FSTL5: variants seen among roughly 807,000 people sequenced by gnomAD.
FSTL5 encodes follistatin-related protein 5.
In FSTL5, 62 loss-of-function variants were observed where a neutral mutation model predicts 89.1. The observed-to-expected ratio is 0.70, with a 90% CI of 0.57 to 0.86. FSTL5 has a LOEUF of 0.86. Among genes scored for constraint, FSTL5 ranks in the 40% least tolerant of loss-of-function variants. The pLI, the probability that FSTL5 is intolerant of heterozygous loss-of-function variation, is 0.00. For synonymous variants in FSTL5, 383 were observed against 346.2 expected (o/e 1.11, Z -1.18); for missense variants, 1,057 against 1,001.6 (o/e 1.06, Z -0.75).
At chr4:162,147,012 C>T (rs75686260) in intron 1 of FSTL5, among the ~76,000 whole-genome samples, 35,181 of 151,702 alleles carry the variant, frequency 0.23, 4,229 homozygotes, top group Non-Finnish European at 0.25. Context: ...GAACTCCTGA[C>T]CTCAAGTGAT....
intron 3 of FSTL5, among the ~76,000 whole-genome samples, chr4:161,998,811 T>C (rs10029314): frequency 0.099 from 15,030 of 151,912 alleles, 869 homozygotes; most frequent in East Asian, 0.23. Flanking sequence ...GATTTGATCA[T>C]CTATTTGCCT....
At chr4:161,610,150 T>C (rs1734585690) in intron 7 of FSTL5, among the ~76,000 whole-genome samples, 1 of 152,118 alleles carries the variant, frequency 6.6e-6, no homozygotes, top group Non-Finnish European at 1.5e-5. Context: ...TTGAAACTCT[T>C]CTTGCTAGTA....
At chr4:162,098,289 A>C (rs1234956955) in intron 2 of FSTL5, among the ~76,000 whole-genome samples, 1 of 152,038 alleles carries the variant, frequency 6.6e-6, no homozygotes, top group Non-Finnish European at 1.5e-5. Flanking sequence ...GTTAAAAAAA[A>C]TCAGAACATT....
chr4:161,718,818 T>C (rs546632079), intron 6 of FSTL5, among the ~76,000 whole-genome samples: 33 of 152,278 alleles, frequency 2.2e-4, no homozygotes, highest in Admixed American at 5.9e-4. Flanking sequence ...AACATGGTAA[T>C]GCATTAACAC....
At chr4:161,469,314 C>T (rs28439817) in intron 13 of FSTL5, among the ~76,000 whole-genome samples, 8,140 of 152,168 alleles carry the variant, frequency 0.053, 608 homozygotes, top group African/African-American at 0.17. Context: ...TTTATCTATT[C>T]ATCTGTCAAC....
chr4:161,616,696 G>A (rs545600779), intron 7 of FSTL5, among the ~76,000 whole-genome samples: 6 of 152,004 alleles, frequency 3.9e-5, no homozygotes, highest in Admixed American at 6.6e-5. Context: ...TGGCCTATTG[G>A]GGGTGGGAGT....
intron 2 of FSTL5, among the ~76,000 whole-genome samples, chr4:162,099,772 C>G (rs1453979847): frequency 6.6e-6 from 1 of 152,130 alleles, no homozygotes; most frequent in Non-Finnish European, 1.5e-5. Context: ...AAGAGCTGAA[C>G]AGACACTATC....
chr4:161,738,704 A>C (rs1383786349), intron 6 of FSTL5, among the ~76,000 whole-genome samples: 1 of 152,186 alleles, frequency 6.6e-6, no homozygotes, highest in Non-Finnish European at 1.5e-5. Flanking sequence ...CTCAAATAAT[A>C]ATGCTTCACA....
At chr4:161,596,262 A>G (rs1017065721) in intron 7 of FSTL5, among the ~76,000 whole-genome samples, 2 of 151,886 alleles carry the variant, frequency 1.3e-5, no homozygotes, top group African/African-American at 4.8e-5. Context: ...TAAATACATC[A>G]TTTAAAAAAC....
At chr4:161,676,590 C>T (rs1005336669) in intron 6 of FSTL5, among the ~76,000 whole-genome samples, 1 of 151,836 alleles carries the variant, frequency 6.6e-6, no homozygotes, top group Non-Finnish European at 1.5e-5. Context: ...TACCATGACA[C>T]GTGTATACCT....
chr4:161,401,613 C>T (rs1002715727), intron 15 of FSTL5, among the ~76,000 whole-genome samples: 8 of 152,192 alleles, frequency 5.3e-5, no homozygotes, highest in Non-Finnish European at 7.4e-5. Flanking sequence ...CAAGCTCTGC[C>T]TCCCAGGTTC....
intron 6 of FSTL5, among the ~76,000 whole-genome samples, chr4:161,676,078 C>T (rs1346509780): frequency 6.6e-6 from 1 of 152,056 alleles, no homozygotes; most frequent in Middle Eastern, 3.2e-3. Flanking sequence ...GTTTCATCAT[C>T]TGGAAAGTAA....
chr4:161,447,404 T>C (rs1732984398), intron 15 of FSTL5, among the ~76,000 whole-genome samples: 2 of 152,216 alleles, frequency 1.3e-5, no homozygotes, highest in South Asian at 4.1e-4. Context: ...ACATGACTAA[T>C]AAGACATTCT....
intron 14 of FSTL5, among the ~76,000 whole-genome samples, chr4:161,457,467 C>T (rs1360171899): frequency 6.6e-6 from 1 of 151,950 alleles, no homozygotes; most frequent in African/African-American, 2.4e-5. Context: ...GGAAGAATAC[C>T]TCCAGAAGGC....
chr4:161,609,961 A>G (rs966172228), intron 7 of FSTL5, among the ~76,000 whole-genome samples: 13 of 152,170 alleles, frequency 8.5e-5, no homozygotes, highest in African/African-American at 3.1e-4. Flanking sequence ...ACTCAGGGAA[A>G]TTTGTCTCCT....
At chr4:162,146,217 C>CTATG (rs1732980563) in intron 1 of FSTL5, among the ~76,000 whole-genome samples, 1 of 152,020 alleles carries the variant, frequency 6.6e-6, no homozygotes, top group Non-Finnish European at 1.5e-5. Context: ...ATGTCCATAT[C>CTATG]TATGTATTTA....
intron 7 of FSTL5, among the ~76,000 whole-genome samples, chr4:161,588,995 ATGT>A (rs1733715471): frequency 1.5e-5 from 2 of 137,338 alleles, no homozygotes; most frequent in South Asian, 5.0e-4. Flanking sequence ...CCTATCCCTA[ATGT>A]TTTTTTTTTT....
intron 3 of FSTL5, among the ~76,000 whole-genome samples, chr4:161,986,647 T>C (rs1443598503): frequency 6.6e-6 from 1 of 152,226 alleles, no homozygotes; most frequent in African/African-American, 2.4e-5. Flanking sequence ...CACATTATTA[T>C]TTAAATATTA....
At chr4:161,965,636 T>A (rs769196361) in intron 3 of FSTL5, among the ~76,000 whole-genome samples, 2 of 152,058 alleles carry the variant, frequency 1.3e-5, no homozygotes, top group Non-Finnish European at 2.9e-5. Context: ...TATTTTGGTT[T>A]ATTTTCTTCC....
Sources: gnomAD v4.1 joint callset for allele counts (sites outside exome capture counted in the v4.1 genomes callset) on GRCh38, gnomAD v4.1.1 for gene constraint, MANE v1.5 for transcripts, NCBI Gene and HGNC (gene_info 2026-07-23, HGNC 2026-07-21) for gene names.